Variants in SMPX observed in about 807,000 individuals in gnomAD.
SMPX encodes the protein small muscular protein.
SMPX carries 2 observed loss-of-function variants against 6.3 expected under a neutral mutation model. The observed-to-expected ratio is 0.32, with a 90% CI of 0.13 to 0.99. The LOEUF is 0.99. SMPX is among the 50% of genes least tolerant of loss of function. The pLI is 0.49. For missense variants in SMPX, 60 were observed against 66.8 expected (o/e 0.90, Z 0.36); for synonymous variants, 32 against 24.7 (o/e 1.30, Z -0.88).
At chrX:21,750,444 G>A (rs1326738439) in intron 2 of SMPX, among the ~76,000 whole-genome samples, 1 of 111,983 alleles carries the variant, frequency 8.9e-6, no homozygotes, top group Non-Finnish European at 1.9e-5. Flanking sequence ...ACTGCCTATG[G>A]CTGCTTTTGT....
At chrX:21,723,475 A>G (rs1024572948) in intron 4 of SMPX, among the ~76,000 whole-genome samples, 2 of 112,272 alleles carry the variant, frequency 1.8e-5, no homozygotes, top group Non-Finnish European at 3.8e-5. Flanking sequence ...GAATAATGAC[A>G]CTATTTGATG....
intron 2 of SMPX, among the ~76,000 whole-genome samples, chrX:21,745,660 G>A (rs990860789): frequency 9.0e-6 from 1 of 111,454 alleles, no homozygotes; most frequent in African/African-American, 3.3e-5. Context: ...GATAAAAGAG[G>A]GGAAAAATCA....
chrX:21,724,236 T>C (rs1259193668), intron 4 of SMPX, among the ~76,000 whole-genome samples: 3 of 111,999 alleles, frequency 2.7e-5, no homozygotes, highest in African/African-American at 9.8e-5. Flanking sequence ...TTTGGGGGCA[T>C]CTTGAAGTGA....
chrX:21,734,366 C>A (rs1189861048), intron 4 of SMPX, among the ~76,000 whole-genome samples: 1 of 111,684 alleles, frequency 9.0e-6, no homozygotes, highest in African/African-American at 3.3e-5. Flanking sequence ...GTATCTGCTA[C>A]AACTGTAAGC....
At chrX:21,718,718 A>G (rs184002552) in intron 4 of SMPX, among the ~76,000 whole-genome samples, 37 of 112,047 alleles carry the variant, frequency 3.3e-4, no homozygotes, top group South Asian at 7.5e-4. Flanking sequence ...TTAACCATAA[A>G]TAAAGCCCTG....
chrX:21,731,570 A>ATGTGTATATGTACACAT (rs1569306615), intron 4 of SMPX, among the ~76,000 whole-genome samples: 1 of 40,126 alleles, frequency 2.5e-5, no homozygotes, highest in African/African-American at 7.0e-5. Flanking sequence ...CATTATGTGT[A>ATGTGTATATGTACACAT]TATGTGTATA....
At chrX:21,720,538 T>C (rs752605400) in intron 4 of SMPX, among the ~76,000 whole-genome samples, 128 of 112,945 alleles carry the variant, frequency 1.1e-3, no homozygotes, top group Middle Eastern at 4.6e-3. Flanking sequence ...CAGCCAAAGA[T>C]AACTAATACA....
intron 4 of SMPX, among the ~76,000 whole-genome samples, chrX:21,728,600 G>A (rs2092800075): frequency 8.9e-6 from 1 of 112,518 alleles, no homozygotes; most frequent in Non-Finnish European, 1.9e-5. Context: ...TTTAGCCTTT[G>A]CTTGCTTTGC....
rs756372131 is a variant in SMPX, at chrX:21,708,477, G to A, written c.*15-2083C>T. 1.1e-3 allele frequency among the ~76,000 whole-genome samples: 119 copies of A among 112,267 alleles called. 1 individual carries two copies. The highest frequency in any genetic ancestry group is 3.6e-3 in the African/African-American group (112 of 30,933). Reference sequence around the variant, plus strand: ...CTAGCATTGCTGTGATGCAGGTTGTGTTGTACTCACTGTTGAGATGAAATA... The same window carrying A: ...CTAGCATTGCTGTGATGCAGGTTGTATTGTACTCACTGTTGAGATGAAATA... On this transcript the variant is annotated intron_variant, in intron 4 of 4. Transcript: ENST00000379494.
chrX:21,740,203 A>C (rs2092814586), intron 3 of SMPX, among the ~76,000 whole-genome samples: 1 of 112,355 alleles, frequency 8.9e-6, no homozygotes, highest in South Asian at 3.7e-4. Context: ...GATTCCATTT[A>C]TATTATGAAT....
chrX:21,741,275 T>C (rs1382483193), intron 3 of SMPX, among the ~76,000 whole-genome samples: 3 of 112,272 alleles, frequency 2.7e-5, no homozygotes, highest in Non-Finnish European at 5.6e-5. Context: ...GGTTATCTGT[T>C]TTGTTCAAAG....
rs748282018 is a variant in SMPX at position 21,754,304 on chromosome X, TA to T, written c.-12-3del. The T allele has an allele frequency of 2.5e-6, 3 of 1,195,578 alleles. No individual in the cohort carries two copies. The highest frequency in any genetic ancestry group is 3.0e-5 in the East Asian group (1 of 33,788). ...CGACATATTCATGCAGTCTTATCCC[TA>T]AAAAAACAAGTAAGAAACTGTTAGA... On this transcript the variant is annotated splice_polypyrimidine_tract_variant and splice_region_variant and intron_variant, in intron 1 of 4. Coordinates refer to ENST00000379494, the MANE Select transcript of SMPX (RefSeq NM_014332.3).
chrX:21,745,446 C>T (rs1353014934), intron 2 of SMPX, among the ~76,000 whole-genome samples: 1 of 111,703 alleles, frequency 9.0e-6, no homozygotes, highest in Admixed American at 9.5e-5. Flanking sequence ...GTGTGTCTTA[C>T]AACCAATAGT....
chrX:21,733,892 A>T, intron 4 of SMPX: 1 of 226,741 alleles, frequency 4.4e-6, no homozygotes, highest in Non-Finnish European at 8.2e-6. Context: ...TACCCTGGAC[A>T]CTCCATTTGT....
chrX:21,715,773 T>A (rs1225651436), intron 4 of SMPX, among the ~76,000 whole-genome samples: 1 of 111,241 alleles, frequency 9.0e-6, no homozygotes, highest in African/African-American at 3.3e-5. Context: ...TGTGAAGACA[T>A]TTTTTGGTTA....
At chrX:21,721,387 T>C (rs923492382) in intron 4 of SMPX, among the ~76,000 whole-genome samples, 2 of 112,384 alleles carry the variant, frequency 1.8e-5, no homozygotes, top group Admixed American at 9.4e-5. Context: ...GTTCACCCTA[T>C]AAATAAATGC....
chrX:21,738,165 T>A (rs983905503), intron 3 of SMPX, among the ~76,000 whole-genome samples: 1 of 111,497 alleles, frequency 9.0e-6, no homozygotes, highest in Non-Finnish European at 1.9e-5. Context: ...CAAGACAGAG[T>A]GGCAGAGGAA....
intron 4 of SMPX, among the ~76,000 whole-genome samples, chrX:21,731,562 T>TTATGTGTA (rs199796244): frequency 2.0e-5 from 1 of 51,099 alleles, no homozygotes; most frequent in Non-Finnish European, 4.6e-5. Context: ...TATATACACA[T>TTATGTGTA]TATGTGTATA....
At chrX:21,709,065 G>A (rs779514876) in intron 4 of SMPX, among the ~76,000 whole-genome samples, 1 of 112,338 alleles carries the variant, frequency 8.9e-6, no homozygotes, top group South Asian at 3.7e-4. Context: ...ACCAATGGAC[G>A]TTTAGGTTGT....
Sources: allele counts gnomAD v4.1 joint callset (sites outside exome capture counted in the v4.1 genomes callset), GRCh38; gene constraint gnomAD v4.1.1; transcripts MANE v1.5; gene names NCBI Gene and HGNC (gene_info 2026-07-23, HGNC 2026-07-21).